The following FBXW5 variants were observed in gnomAD, a reference collection of about 807,000 sequenced individuals.
FBXW5 encodes the protein F-box and WD repeat domain containing 5.
In FBXW5, 74 loss-of-function variants were observed where a neutral mutation model predicts 50.9. That is an observed-to-expected ratio of 1.45 (90% CI 1.20 to 1.76). The LOEUF (loss-of-function observed/expected upper bound fraction) is 1.76. Among genes scored for constraint, FBXW5 ranks in the 40% most tolerant of loss-of-function variants. The probability of loss-of-function intolerance (pLI) is 0.00; values close to 1 mark genes in which losing one functional copy is unlikely to be tolerated. For missense variants in FBXW5, 1,073 were observed against 818.8 expected (o/e 1.31, Z -3.79); for synonymous variants, 523 against 362.2 (o/e 1.44, Z -5.04).
chr9:136,942,518 G>A, intron 5 of FBXW5, 29 bp downstream of exon 5: 1 of 1,601,138 alleles, frequency 6.2e-7, no homozygotes, highest in Non-Finnish European at 8.5e-7. Flanking sequence ...GCCCCAGGAG[G>A]GCAGCCCCGC....
chr9:136,942,284 G>T lies in FBXW5; in HGVS notation c.858C>A (p.Asn286Lys). Residue 286 changes from asparagine to lysine, a missense_variant, in exon 6 of 9, where the codon AAC becomes AAA. Asn to Lys is a moderately conservative substitution (Grantham distance 94, BLOSUM62 0). Transcript: ENST00000325285. ...GGGCCGGGCCAGCCACCACCTCCTC[G>T]TTGTCGCTGCCCAGGTCAAAGATGC... is the stretch of plus-strand genomic sequence containing the variant. ...PCRIFDLGSD[N>K]EEVVAGPAPA... 3 of 1,587,204 alleles carry T rather than the reference G, an allele frequency of 1.9e-6. No individual in the cohort carries two copies. The highest frequency in any genetic ancestry group is 2.6e-6 in the Non-Finnish European group (3 of 1,167,742).
Position 136,941,476 on chromosome 9 carries a change from C to T in FBXW5, c.1245-13G>A, listed in dbSNP as rs201094330. ...CACGTACAGGTACCTGGGCGAGGGG[C>T]ACTGTGCTAGGTGTGGGCCGCCTGC... On this transcript the variant is annotated splice_polypyrimidine_tract_variant and intron_variant, in intron 7 of 8. Coordinates refer to ENST00000325285, the MANE Select transcript of FBXW5 (RefSeq NM_018998.4). The T allele has an allele frequency of 2.5e-6, 4 of 1,606,366 alleles. No individual in the cohort carries two copies. The highest frequency in any genetic ancestry group is 1.3e-5 in the African/African-American group (1 of 75,070).
chr9:136,944,640 G>T lies in FBXW5; in HGVS notation c.-70C>A, dbSNP rs923006167. On this transcript the variant is annotated 5_prime_UTR_variant, in exon 1 of 9. Transcript: ENST00000325285. ...CGCCGCCCCCGCCCTGCGCGACCCG[G>T]ACCCGCTTCCGCTGCCGCAGCCGCT... The T allele has an allele frequency of 3.0e-6, 3 of 984,948 alleles. No individual in the cohort carries two copies. Among genetic ancestry groups the T allele is most frequent in the Non-Finnish European group, 2.4e-6 (2 of 829,500 alleles). The allele number at this position is 984,948 out of a possible 1,614,324, so 61.0% of individuals were successfully genotyped here.
At position 136,944,123 on chromosome 9, in the gene FBXW5, G is replaced by A; in HGVS notation, c.-23-17C>T. The stretch of plus-strand genomic sequence containing the variant: ...CAGGCGGCCCTGAAACCCACCAACG[G>A]CTGCCCTCAGCCCAGGCCCGGGAAG... On this transcript the variant is annotated splice_polypyrimidine_tract_variant and intron_variant, in intron 1 of 8. Transcript: ENST00000325285. 2 of 1,536,598 alleles carry A rather than the reference G, an allele frequency of 1.3e-6. No individual in the cohort carries two copies. Among genetic ancestry groups the A allele is most frequent in the Non-Finnish European group, 1.8e-6 (2 of 1,139,612 alleles).
At chr9:136,943,308 C>A in intron 3 of FBXW5, 41 bp downstream of exon 3, 5 of 1,530,218 alleles carry the variant, frequency 3.3e-6, no homozygotes, top group Non-Finnish European at 4.4e-6. Flanking sequence ...CGTGCTGCGG[C>A]AGAGCTGGGT....
At position 136,941,151 on chromosome 9, in the gene FBXW5, C is replaced by T; in HGVS notation, c.1478G>A (p.Gly493Asp). ...FVASGAEDRH[G>D]YIWDRHYNIC... ...GTTGTAGTGGCGGTCCCAGATGTAGCCGTGCCGGTCCTCCGCCCCGCTGCA... is the reference window on the plus strand; with the variant it reads ...GTTGTAGTGGCGGTCCCAGATGTAGTCGTGCCGGTCCTCCGCCCCGCTGCA... Residue 493 changes from glycine to aspartate, a missense_variant, in exon 9 of 9, where the codon GGC (glycine) becomes GAC (aspartate). Transcript: ENST00000325285. 6.3e-7 allele frequency: 1 copy of T among 1,597,480 alleles called. No individual in the cohort carries two copies.
At position 136,944,619 on chromosome 9, in the gene FBXW5, G is replaced by A. The variant is rs1850964205; in HGVS notation, c.-49C>T. 2.0e-6 allele frequency: 2 copies of A among 984,318 alleles called. No homozygotes were observed. The highest frequency in any genetic ancestry group is 2.4e-6 in the Non-Finnish European group (2 of 829,210). 61.0% of individuals were successfully genotyped at this position (984,318 alleles called of 1,614,324 possible). On this transcript the variant is annotated 5_prime_UTR_variant, in exon 1 of 9. Transcript: ENST00000325285. ...CACGGCCGCCTCCGCCCGCTGCGCC[G>A]CCCCCGCCCTGCGCGACCCGGACCC...
Position 136,943,889 on chromosome 9 carries a change from A to C in FBXW5, c.193+2T>G. The C allele has an allele frequency of 1.3e-6, 2 of 1,549,650 alleles. No individual in the cohort carries two copies. Among genetic ancestry groups the C allele is most frequent in the Non-Finnish European group, 1.7e-6 (2 of 1,146,686 alleles). On this transcript the variant is annotated splice_donor_variant, in intron 2 of 8. Transcript: ENST00000325285. LOFTEE classifies it high-confidence loss of function. ...TGGGTAGGGGCCCCACACGCCACTGACCTGGGTGTCGGGGCACGTCGCGGG... is the reference window on the plus strand; with the variant it reads ...TGGGTAGGGGCCCCACACGCCACTGCCCTGGGTGTCGGGGCACGTCGCGGG...
rs1259465135 is a variant in FBXW5, at chr9:136,944,479, C to A, written c.-24+115G>T. On this transcript the variant is annotated intron_variant, in intron 1 of 8. Transcript: ENST00000325285. ...GCGGCCCTGGAGCAGCTCTGCCCGG[C>A]GGGCTCGGGGCGGACGGCGGGGACG... The A allele has an allele frequency of 1.0e-5, 10 of 981,414 alleles. No individual in the cohort carries two copies. The East Asian group carries it at 6.7e-4, about 66-fold the overall frequency. 60.8% of individuals were successfully genotyped at this position (981,414 alleles called of 1,614,324 possible).
Position 136,941,560 on chromosome 9 carries a change from G to A in FBXW5, c.1221C>T (p.Gly407=), listed in dbSNP as rs1850766989. 3.7e-6 allele frequency: 6 copies of A among 1,609,568 alleles called. No homozygotes were observed. The highest frequency in any genetic ancestry group is 1.1e-5 in the South Asian group (1 of 91,012). ...HVIDIHGHII[G]MGLSPDNRYL... The stretch of plus-strand genomic sequence containing the variant: ...ACCTGTTGTCGGGCGACAGGCCCAT[G>A]CCGATGATGTGTCCGTGTATGTCTA... Residue 407 remains glycine, a synonymous_variant, in exon 7 of 9, where the codon GGC becomes GGT. Transcript: ENST00000325285.
In FBXW5 at chr9:136,944,640, G is replaced by GACCCGC; in HGVS notation, c.-76_-71dup. On this transcript the variant is annotated 5_prime_UTR_variant, in exon 1 of 9. Coordinates refer to ENST00000325285, the MANE Select transcript of FBXW5 (RefSeq NM_018998.4). ...CGCCGCCCCCGCCCTGCGCGACCCG[G>GACCCGC]ACCCGCTTCCGCTGCCGCAGCCGCT... 1.0e-6 allele frequency: 1 copy of GACCCGC among 984,948 alleles called. No individual in the cohort carries two copies. Among genetic ancestry groups the GACCCGC allele is most frequent in the Non-Finnish European group, 1.2e-6 (1 of 829,500 alleles). 61.0% of individuals were successfully genotyped at this position (984,948 alleles called of 1,614,324 possible). A position where few individuals can be genotyped will look rare whatever the true frequency, so the allele number is the denominator to read the frequency against.
At chr9:136,944,466 C>T in intron 1 of FBXW5, 128 bp downstream of exon 1, 2 of 976,968 alleles carry the variant, frequency 2.0e-6, no homozygotes, top group Non-Finnish European at 2.4e-6. Flanking sequence ...GGCCCTGGAG[C>T]AGCTCTGCCC....
At position 136,941,439 on chromosome 9, in the gene FBXW5, G is replaced by C. The variant is rs1213929015; in HGVS notation, c.1269C>G (p.Ala423=). Residue 423 remains alanine, a synonymous_variant, in exon 8 of 9, where the codon GCC becomes GCG. Coordinates refer to ENST00000325285, the MANE Select transcript of FBXW5 (RefSeq NM_018998.4). ...CGGCCACCACCGCACCGTTGGGCCAGGCGCGGCTGTTCACGTACAGGTACC... is the reference window on the plus strand; with the variant it reads ...CGGCCACCACCGCACCGTTGGGCCACGCGCGGCTGTTCACGTACAGGTACC... The part of the protein sequence containing the change: ...DNRYLYVNSR[A]WPNGAVVADP... 1.2e-6 allele frequency: 2 copies of C among 1,608,380 alleles called. No individual in the cohort carries two copies. Among genetic ancestry groups the C allele is most frequent in the South Asian group, 1.1e-5 (1 of 91,074 alleles).
At chr9:136,944,281 G>T in intron 1 of FBXW5, 175 bp from the exon 2 acceptor site, 2 of 742,654 alleles carry the variant, frequency 2.7e-6, no homozygotes, top group Non-Finnish European at 3.8e-6. Flanking sequence ...GGCGGGCCGG[G>T]CCGGCCCCTC....
At chr9:136,942,972 G>A (rs369820296) in intron 3 of FBXW5, 29 bp from the exon 4 acceptor site, 125 of 1,610,968 alleles carry the variant, frequency 7.8e-5, no homozygotes, top group South Asian at 9.9e-5. Context: ...TGTAGTGATC[G>A]CCTGGCCAGG....
At chr9:136,941,491 G>T in intron 7 of FBXW5, 28 bp from the exon 8 acceptor site, 1 of 1,605,476 alleles carries the variant, frequency 6.2e-7, no homozygotes, top group Non-Finnish European at 8.5e-7. Context: ...TGCTAGGTGT[G>T]GGCCGCCTGC....
chr9:136,941,618 G>C lies in FBXW5; in HGVS notation c.1163C>G (p.Ser388Cys). Residue 388 changes from serine to cysteine, a missense_variant, in exon 7 of 9, where the codon TCC becomes TGC. Ser to Cys is a moderately radical substitution (Grantham distance 112). Transcript: ENST00000325285. ...AGPVLGEGRG[S>C]DAFFDALDHV... ...GTCCAGCGCGTCGAAGAAGGCATCG[G>C]AGCCCCGGCCCTCACCCAGCACGGG... 1 of 1,586,970 alleles carries C rather than the reference G, an allele frequency of 6.3e-7. No individual in the cohort carries two copies. Among genetic ancestry groups the C allele is most frequent in the South Asian group, 1.1e-5 (1 of 87,890 alleles).
At chr9:136,942,969 A>AT (rs1850854535) in intron 3 of FBXW5, 26 bp from the exon 4 acceptor site, 1 of 1,610,514 alleles carries the variant, frequency 6.2e-7, no homozygotes, top group Non-Finnish European at 8.5e-7. Context: ...GGCTGTAGTG[A>AT]TCGCCTGGCC....
chr9:136,941,665 T>C lies in FBXW5; in HGVS notation c.1116A>G (p.Pro372=). The change falls in exon 7 of 9, where the codon CCA becomes CCG. Residue 372 remains proline (P), a synonymous_variant. Coordinates refer to ENST00000325285, the MANE Select transcript of FBXW5 (RefSeq NM_018998.4). ...PHQIGIKQIL[P]HQMTTAGPVL... is the part of the protein sequence containing the mutation. ...CGGGCCCTGCCGTGGTCATCTGGTG[T>C]GGCAGGATCTGCTTGATGCCTGCAG... 6.4e-7 allele frequency: 1 copy of C among 1,562,792 alleles called. No homozygotes were observed. The highest frequency in any genetic ancestry group is 8.7e-7 in the Non-Finnish European group (1 of 1,154,480).
Sources: allele counts gnomAD v4.1 joint callset, GRCh38; gene constraint gnomAD v4.1.1; transcripts MANE v1.5; gene names NCBI Gene and HGNC (gene_info 2026-07-23, HGNC 2026-07-21).